NWD1: variants seen among roughly 807,000 people sequenced by gnomAD.
NWD1 encodes the protein NACHT and WD repeat domain containing 1, also known as NACHT domain- and WD repeat-containing protein 1.
Under a neutral mutation model 135.1 loss-of-function variants are expected in NWD1, and 129 were observed. The ratio of observed to expected loss-of-function variants is 0.96; its 90% CI spans 0.83 to 1.11. The LOEUF (loss-of-function observed/expected upper bound fraction) is 1.11, where lower values mean the gene tolerates loss of function less well. Ranked by LOEUF, NWD1 falls within the 50% of genes least tolerant of loss-of-function variation. The pLI, the probability that NWD1 is intolerant of heterozygous loss-of-function variation, is 0.00. For synonymous variants in NWD1, 773 were observed against 786.0 expected (o/e 0.98, Z 0.28); for missense variants, 1,740 against 1,851.3 (o/e 0.94, Z 1.10).
intron 6 of NWD1, 47 bp from the exon 7 acceptor site, chr19:16,759,178 C>G (rs1968911745): frequency 6.7e-7 from 1 of 1,497,292 alleles, no homozygotes; most frequent in African/African-American, 1.4e-5. Context: ...CCTCCAAATG[C>G]AGAAGACATG....
chr19:16,787,957 G>A (rs189794168), intron 12 of NWD1, among the ~76,000 whole-genome samples: 2 of 138,750 alleles, frequency 1.4e-5, no homozygotes, highest in East Asian at 4.5e-4. Context: ...GGCCAGGCGC[G>A]GCGGCTCATG....
chr19:16,799,227 C>T (rs1023239236), intron 16 of NWD1, among the ~76,000 whole-genome samples: 2 of 152,062 alleles, frequency 1.3e-5, no homozygotes, highest in Non-Finnish European at 2.9e-5. Flanking sequence ...GACGGAGTCT[C>T]ACTCTGTTGC....
rs1223544736 is a variant in NWD1 at position 16,729,368 on chromosome 19, G to A, written c.-6-1824G>A. Among the ~76,000 whole-genome samples the A allele has an allele frequency of 1.5e-4, 23 of 151,898 alleles. No homozygotes were observed. In the Admixed American group the frequency reaches 1.5e-3, roughly 10 times the overall value. The stretch of plus-strand genomic sequence containing the variant: ...ATCCGGGAACCCACAAGGCCCTGGG[G>A]CCCATATCAGGACTATCACTCTCAC... On this transcript the variant is annotated intron_variant, in intron 2 of 18. Transcript: ENST00000524140.
chr19:16,784,281 G>A (rs988056751), intron 12 of NWD1, among the ~76,000 whole-genome samples: 3 of 151,806 alleles, frequency 2.0e-5, no homozygotes, highest in African/African-American at 7.3e-5. Context: ...CAGAAGGATC[G>A]CTTGAGCCTG....
chr19:16,804,928 G>A (rs575896025), intron 17 of NWD1, among the ~76,000 whole-genome samples: 176 of 151,618 alleles, frequency 1.2e-3, no homozygotes, highest in African/African-American at 3.8e-3. Context: ...GGGCTCAAGC[G>A]ATCTTCCTGC....
intron 4 of NWD1, among the ~76,000 whole-genome samples, chr19:16,743,191 G>A (rs910570012): frequency 3.3e-5 from 5 of 151,060 alleles, no homozygotes; most frequent in Admixed American, 1.3e-4. Flanking sequence ...GATTACAGGC[G>A]TGAGCCACCT....
intron 2 of NWD1, among the ~76,000 whole-genome samples, chr19:16,729,118 C>T (rs1383363331): frequency 6.6e-6 from 1 of 151,974 alleles, no homozygotes; most frequent in East Asian, 1.9e-4. Flanking sequence ...TCTGTTTCCT[C>T]CTCGAGAAGC....
intron 5 of NWD1, chr19:16,745,013 A>G: frequency 1.7e-6 from 1 of 580,174 alleles, no homozygotes; most frequent in South Asian, 1.5e-5. Flanking sequence ...GCCACTAATA[A>G]AGGCATACTT....
At chr19:16,727,867 C>A (rs565384985) in intron 2 of NWD1, among the ~76,000 whole-genome samples, 8 of 152,036 alleles carry the variant, frequency 5.3e-5, no homozygotes, top group Non-Finnish European at 1.2e-4. Context: ...TGAAGACCAA[C>A]CTGGGCAACA....
At chr19:16,793,426 G>T (rs1271489423) in intron 14 of NWD1, among the ~76,000 whole-genome samples, 2 of 151,914 alleles carry the variant, frequency 1.3e-5, no homozygotes, top group African/African-American at 4.8e-5. Context: ...TTTTGTAGAG[G>T]TGGGGGTCTC....
At chr19:16,810,280 A>G (rs1970883808) in intron 18 of NWD1, among the ~76,000 whole-genome samples, 1 of 151,772 alleles carries the variant, frequency 6.6e-6, no homozygotes, top group Non-Finnish European at 1.5e-5. Flanking sequence ...TCTACTAAAA[A>G]TACAAAAATT....
intron 5 of NWD1, chr19:16,745,120 C>T (rs1436776820): frequency 1.7e-5 from 8 of 460,708 alleles, no homozygotes; most frequent in East Asian, 1.4e-4. Flanking sequence ...AAAGGAGAAG[C>T]AAAGAGGCAC....
At chr19:16,733,545 C>A (rs981175448) in intron 3 of NWD1, among the ~76,000 whole-genome samples, 2 of 150,158 alleles carry the variant, frequency 1.3e-5, no homozygotes, top group Non-Finnish European at 3.0e-5. Context: ...AATCAAGTGG[C>A]TCTTTGGGTA....
chr19:16,809,031 G>A (rs562073380), intron 18 of NWD1, among the ~76,000 whole-genome samples: 165 of 152,188 alleles, frequency 1.1e-3, no homozygotes, highest in African/African-American at 3.8e-3. Flanking sequence ...TCTCTAGCCT[G>A]GGTGATAGAG....
intron 6 of NWD1, among the ~76,000 whole-genome samples, chr19:16,754,651 C>T (rs1021825454): frequency 6.6e-6 from 1 of 151,700 alleles, no homozygotes; most frequent in Non-Finnish European, 1.5e-5. Flanking sequence ...TCCATCCACT[C>T]TATTCTTCCT....
intron 18 of NWD1, among the ~76,000 whole-genome samples, chr19:16,810,455 AAAG>A (rs1970892506): frequency 1.3e-5 from 2 of 148,850 alleles, no homozygotes; most frequent in Non-Finnish European, 3.0e-5. Context: ...AAAAAAAAAA[AAAG>A]AAAGAAAAAG....
At chr19:16,806,740 C>T (rs182103096) in intron 17 of NWD1, among the ~76,000 whole-genome samples, 259 of 151,724 alleles carry the variant, frequency 1.7e-3, no homozygotes, top group African/African-American at 5.8e-3. Flanking sequence ...ATAGGCTGGG[C>T]GCGATGGCTC....
chr19:16,800,035 T>C lies in NWD1; in HGVS notation c.3609T>C (p.His1203=), dbSNP rs551918275. ...SFKVWDLSDA[H]RSRVPAPFLD... is the part of the protein sequence containing the mutation. The stretch of plus-strand genomic sequence containing the variant: ...AGGTCTGGGATCTCAGCGATGCTCA[T>C]AGGTCCCGGGTGCCTGCACCATTTC... The change falls in exon 17 of 19, where the codon CAT becomes CAC. Residue 1203 remains histidine, a synonymous_variant. Coordinates refer to ENST00000524140, the MANE Select transcript of NWD1 (RefSeq NM_001007525.5). 17 of 1,614,222 alleles carry C rather than the reference T, an allele frequency of 1.1e-5. No homozygotes were observed. The highest frequency in any genetic ancestry group is 6.7e-5 in the East Asian group (3 of 44,874).
chr19:16,731,315 A>G (rs1967552325), intron 3 of NWD1, 37 bp downstream of exon 3: 1 of 1,283,294 alleles, frequency 7.8e-7, no homozygotes, highest in Non-Finnish European at 1.1e-6. Context: ...TGCTTTTTTT[A>G]TTTTTTTTTG....
Sources: allele counts gnomAD v4.1 joint callset (sites outside exome capture counted in the v4.1 genomes callset), GRCh38; gene constraint gnomAD v4.1.1; transcripts MANE v1.5; gene names NCBI Gene and HGNC (gene_info 2026-07-23, HGNC 2026-07-21).